MAST4: variants seen among roughly 807,000 people sequenced by gnomAD.
The protein encoded by MAST4 is microtubule associated serine/threonine kinase family member 4, also known as microtubule-associated serine/threonine-protein kinase 4.
A neutral mutation model predicts 162.7 loss-of-function variants in MAST4; 89 were observed. That is an observed-to-expected ratio of 0.55 (90% CI 0.46 to 0.65). The LOEUF is 0.65. Ranked by LOEUF, MAST4 falls within the 30% of genes least tolerant of loss-of-function variation. The probability of loss-of-function intolerance (pLI) is 0.00; values close to 1 mark genes in which losing one functional copy is unlikely to be tolerated. For synonymous variants in MAST4, 1,479 were observed against 1,361.1 expected, an observed-to-expected ratio of 1.09 and a Z score of -1.91; for missense variants, 3,153 against 3,374.0, an observed-to-expected ratio of 0.93 and a Z score of 1.62.
At chr5:67,075,242 C>T (rs1761494246) in intron 5 of MAST4, among the ~76,000 whole-genome samples, 1 of 147,910 alleles carries the variant, frequency 6.8e-6, no homozygotes, top group Non-Finnish European at 1.5e-5. Flanking sequence ...ATGATCGTGG[C>T]TCCCTGCAGC....
At chr5:67,098,966 A>C (rs916870389) in intron 7 of MAST4, among the ~76,000 whole-genome samples, 4 of 152,200 alleles carry the variant, frequency 2.6e-5, no homozygotes, top group Non-Finnish European at 4.4e-5. Context: ...CCATCAGTTC[A>C]GTTGGTGCTT....
chr5:67,017,585 C>G (rs1444058254), intron 4 of MAST4, among the ~76,000 whole-genome samples: 1 of 149,474 alleles, frequency 6.7e-6, no homozygotes, highest in African/African-American at 2.5e-5. Flanking sequence ...TAGAGTATTT[C>G]TTTCTTTCTT....
intron 1 of MAST4, among the ~76,000 whole-genome samples, chr5:66,749,274 C>G (rs572039214): frequency 2.0e-5 from 3 of 152,248 alleles, no homozygotes; most frequent in African/African-American, 7.2e-5. Flanking sequence ...TTGCCCAGGA[C>G]ATGACATTGG....
chr5:67,086,414 G>A (rs1763237912), intron 5 of MAST4, among the ~76,000 whole-genome samples: 1 of 151,950 alleles, frequency 6.6e-6, no homozygotes, highest in Admixed American at 6.5e-5. Context: ...CTTAACAATA[G>A]CTGCTGCTAA....
In MAST4 at chr5:67,163,855, G is replaced by A. The variant is rs556678296; in HGVS notation, c.4676G>A (p.Ser1559Asn). The change falls in exon 29 of 29, where the codon AGT (serine) becomes AAT (asparagine). Residue 1559 changes from serine to asparagine, a missense_variant. Ser to Asn is a conservative substitution (Grantham distance 46). Coordinates refer to ENST00000403625, the MANE Select transcript of MAST4 (RefSeq NM_001164664.2). The surrounding 1 kb of genome is among the most constrained non-coding windows in gnomAD (Gnocchi z 7.0). The part of the protein sequence containing the change: ...ESHQKSHGPG[S>N]DLENFALFKL... Reference sequence around the variant, plus strand: ...CACCAGAAATCCCATGGACCCGGGAGTGATTTGGAAAACTTTGCTCTGTTT... The same window carrying A: ...CACCAGAAATCCCATGGACCCGGGAATGATTTGGAAAACTTTGCTCTGTTT... The A allele has an allele frequency of 1.9e-6, 3 of 1,613,948 alleles. No homozygotes were observed. Among genetic ancestry groups the A allele is most frequent in the African/African-American group, 2.7e-5 (2 of 75,062 alleles).
chr5:66,734,775 G>A (rs999472758), intron 1 of MAST4, among the ~76,000 whole-genome samples: 1 of 152,154 alleles, frequency 6.6e-6, no homozygotes, highest in African/African-American at 2.4e-5. Context: ...GTGGTTGGTG[G>A]CCACTGTATT....
At chr5:66,752,500 C>T (rs1261607456) in intron 1 of MAST4, among the ~76,000 whole-genome samples, 1 of 138,902 alleles carries the variant, frequency 7.2e-6, no homozygotes, top group Non-Finnish European at 1.5e-5. Flanking sequence ...CAATCCTAGT[C>T]TCTGATAAAA....
At chr5:66,889,332 A>G (rs1273793981) in intron 3 of MAST4, among the ~76,000 whole-genome samples, 1 of 152,182 alleles carries the variant, frequency 6.6e-6, no homozygotes, top group Non-Finnish European at 1.5e-5. Flanking sequence ...ATTTATCAAG[A>G]GCCTTCATAA....
chr5:66,691,480 TG>T (rs890319540), intron 1 of MAST4, among the ~76,000 whole-genome samples: 1 of 152,214 alleles, frequency 6.6e-6, no homozygotes, highest in African/African-American at 2.4e-5. Context: ...AAAATGAATT[TG>T]GTGTCTTAGT....
At chr5:66,805,579 C>A (rs1325639786) in intron 3 of MAST4, among the ~76,000 whole-genome samples, 2 of 152,120 alleles carry the variant, frequency 1.3e-5, no homozygotes, top group African/African-American at 4.8e-5. Flanking sequence ...TAGTCATAGT[C>A]CTTTTGGGTT....
At chr5:67,146,384 T>C (rs906015943) in intron 23 of MAST4, among the ~76,000 whole-genome samples, 4 of 152,252 alleles carry the variant, frequency 2.6e-5, no homozygotes, top group Non-Finnish European at 5.9e-5. Context: ...ATTTAAAATA[T>C]CATTTGATTT....
At chr5:67,127,854 TA>T (rs1768449857) in intron 14 of MAST4, among the ~76,000 whole-genome samples, 1 of 152,238 alleles carries the variant, frequency 6.6e-6, no homozygotes, top group African/African-American at 2.4e-5. Flanking sequence ...GGAAATAATT[TA>T]AAAAGATATG....
At chr5:66,779,393 C>A (rs1228217208) in intron 2 of MAST4, among the ~76,000 whole-genome samples, 1 of 116,696 alleles carries the variant, frequency 8.6e-6, no homozygotes. Flanking sequence ...ACACATAGCA[C>A]TTTTTTTTTT....
intron 3 of MAST4, among the ~76,000 whole-genome samples, chr5:66,826,488 A>G (rs1045704593): frequency 3.9e-5 from 6 of 151,984 alleles, no homozygotes. Flanking sequence ...AGTACTTCCA[A>G]CTAGCTTACA....
chr5:67,020,363 C>T (rs1753817052), intron 4 of MAST4, among the ~76,000 whole-genome samples: 1 of 152,200 alleles, frequency 6.6e-6, no homozygotes, highest in Non-Finnish European at 1.5e-5. Context: ...AGCATGACCA[C>T]ATTATATCCT....
intron 4 of MAST4, among the ~76,000 whole-genome samples, chr5:66,907,257 C>T (rs1435905646): frequency 6.7e-6 from 1 of 148,728 alleles, no homozygotes; most frequent in Non-Finnish European, 1.5e-5. Context: ...GGTCACCACA[C>T]AGGAACAGAA....
At chr5:66,671,471 C>T (rs769003556) in intron 1 of MAST4, among the ~76,000 whole-genome samples, 14 of 152,152 alleles carry the variant, frequency 9.2e-5, no homozygotes, top group Non-Finnish European at 1.3e-4. Flanking sequence ...TTTTCTTGGT[C>T]GGAACTGACT....
In MAST4 at chr5:66,859,454, C is replaced by T. The variant is rs114390232; in HGVS notation, c.643-40497C>T. The stretch of plus-strand genomic sequence containing the variant: ...TCTTCATTGACCCTTGGTTCTCTCT[C>T]CAATCCTACCACCCCTGTCCTTTCT... On this transcript the variant is annotated intron_variant, in intron 3 of 28. Transcript: ENST00000403625. 3.1e-3 allele frequency among the ~76,000 whole-genome samples: 477 copies of T among 152,216 alleles called. 5 individuals are homozygous for T. Among genetic ancestry groups the T allele is most frequent in the Middle Eastern group, 0.027 (8 of 292 alleles).
At chr5:66,918,687 G>A (rs1470608189) in intron 4 of MAST4, among the ~76,000 whole-genome samples, 2 of 151,940 alleles carry the variant, frequency 1.3e-5, no homozygotes, top group Admixed American at 6.6e-5. Context: ...ACAAATGTGA[G>A]GTCTCTATTT....
Sources: gnomAD v4.1 joint callset for allele counts (sites outside exome capture counted in the v4.1 genomes callset) on GRCh38, gnomAD v4.1.1 for gene constraint, Gnocchi (gnomAD v3.1) non-coding constraint, MANE v1.5 for transcripts, NCBI Gene and HGNC (gene_info 2026-07-23, HGNC 2026-07-21) for gene names.